Variants in WWOX observed in about 807,000 individuals in gnomAD.
WWOX encodes the protein WW domain-containing oxidoreductase.
WWOX carries 69 observed loss-of-function variants against 46.2 expected under a neutral mutation model. The ratio of observed to expected loss-of-function variants is 1.49; its 90% CI spans 1.23 to 1.82. WWOX has a LOEUF of 1.82. Ranked by LOEUF, WWOX falls within the 40% of genes most tolerant of loss-of-function variation. The pLI, the probability that WWOX is intolerant of heterozygous loss-of-function variation, is 0.00. For missense variants in WWOX, 919 were observed against 542.6 expected (o/e 1.69, Z -6.89); for synonymous variants, 359 against 202.6 (o/e 1.77, Z -6.56).
intron 8 of WWOX, among the ~76,000 whole-genome samples, chr16:79,193,501 C>T (rs939843500): frequency 2.6e-5 from 4 of 152,184 alleles, no homozygotes; most frequent in African/African-American, 9.7e-5. Flanking sequence ...GCCTTCTGCT[C>T]CCTTCTTCAG....
chr16:78,597,058 G>C (rs548692620), intron 8 of WWOX, among the ~76,000 whole-genome samples: 1 of 152,166 alleles, frequency 6.6e-6, no homozygotes, highest in African/African-American at 2.4e-5. Flanking sequence ...CCTCTTCTGC[G>C]TAGAAGCGCT....
intron 8 of WWOX, among the ~76,000 whole-genome samples, chr16:78,784,139 C>G (rs1354438358): frequency 6.6e-6 from 1 of 152,130 alleles, no homozygotes; most frequent in Non-Finnish European, 1.5e-5. Flanking sequence ...ATTCTTATAA[C>G]AACCCTATAA....
chr16:78,661,346 G>C (rs1479414299), intron 8 of WWOX, among the ~76,000 whole-genome samples: 1 of 152,104 alleles, frequency 6.6e-6, no homozygotes. Flanking sequence ...TGTATCGTAA[G>C]GTTCTTCTGA....
chr16:78,796,931 T>G (rs536366572), intron 8 of WWOX, among the ~76,000 whole-genome samples: 1 of 152,038 alleles, frequency 6.6e-6, no homozygotes, highest in South Asian at 2.1e-4. Flanking sequence ...GATCAACTGA[T>G]TCTCCTGCCT....
At chr16:78,771,238 G>C (rs892277264) in intron 8 of WWOX, among the ~76,000 whole-genome samples, 1 of 152,212 alleles carries the variant, frequency 6.6e-6, no homozygotes. Flanking sequence ...TCTGGCTGCT[G>C]TGTTGAGTGG....
At chr16:78,323,557 C>T (rs1036810918) in intron 5 of WWOX, among the ~76,000 whole-genome samples, 4 of 152,120 alleles carry the variant, frequency 2.6e-5, no homozygotes, top group Non-Finnish European at 5.9e-5. Context: ...ACATGCCATG[C>T]AGTGGGAAGA....
intron 8 of WWOX, among the ~76,000 whole-genome samples, chr16:78,468,398 C>CA (rs900109168): frequency 1.3e-5 from 2 of 151,716 alleles, no homozygotes; most frequent in African/African-American, 4.8e-5. Flanking sequence ...GTTGCAACGG[C>CA]AAAAAAGAGA....
At chr16:79,022,542 C>T (rs1170959364) in intron 8 of WWOX, among the ~76,000 whole-genome samples, 1 of 152,092 alleles carries the variant, frequency 6.6e-6, no homozygotes, top group Admixed American at 6.5e-5. Context: ...ATTGCTCATT[C>T]TCTTTCCAAT....
At chr16:78,113,353 G>T (rs1029743694) in intron 3 of WWOX, among the ~76,000 whole-genome samples, 8 of 152,196 alleles carry the variant, frequency 5.3e-5, no homozygotes, top group African/African-American at 1.9e-4. Flanking sequence ...TATGTTTTAG[G>T]ATTTGCAGGG....
intron 8 of WWOX, among the ~76,000 whole-genome samples, chr16:78,538,615 T>C (rs1025162073): frequency 3.9e-5 from 6 of 152,226 alleles, no homozygotes; most frequent in African/African-American, 1.4e-4. Context: ...CAGTTTATCA[T>C]TATATGCCTC....
chr16:78,969,199 C>T lies in WWOX; in HGVS notation c.1057-242409C>T, dbSNP rs976629300. 2.6e-5 allele frequency among the ~76,000 whole-genome samples: 4 copies of T among 151,812 alleles called. No homozygotes were observed. In the South Asian group the frequency reaches 8.3e-4, roughly 32 times the overall value. On this transcript the variant is annotated intron_variant, in intron 8 of 8. Transcript: ENST00000566780. ...TTCAGTCACAAACCCTAGCATGCTCCTTTGCTACCTCAGGGGACAAAGTCA... is the reference window on the plus strand; with the variant it reads ...TTCAGTCACAAACCCTAGCATGCTCTTTTGCTACCTCAGGGGACAAAGTCA...
intron 8 of WWOX, among the ~76,000 whole-genome samples, chr16:78,475,012 C>A (rs116041278): frequency 1.3e-5 from 2 of 152,042 alleles, no homozygotes; most frequent in Admixed American, 6.6e-5. Context: ...TCTTTGTAGC[C>A]ACCAAGAGCC....
chr16:79,073,982 T>C lies in WWOX; in HGVS notation c.1057-137626T>C, dbSNP rs185207610. On this transcript the variant is annotated intron_variant, in intron 8 of 8. Coordinates refer to ENST00000566780, the MANE Select transcript of WWOX (RefSeq NM_016373.4). ...TGGAGGAGGGTACCCTTCACAAAGT[T>C]ATTTGCCAAAGGTCTGAGGAAAAAA... 1.8e-4 allele frequency among the ~76,000 whole-genome samples: 27 copies of C among 146,010 alleles called. No individual in the cohort carries two copies. The East Asian group carries it at 5.3e-3, about 29-fold the overall frequency.
At chr16:78,118,583 G>A (rs1028284965) in intron 4 of WWOX, among the ~76,000 whole-genome samples, 8 of 152,102 alleles carry the variant, frequency 5.3e-5, no homozygotes, top group African/African-American at 1.9e-4. Flanking sequence ...TGTATATTCA[G>A]TTATCCCAAA....
intron 8 of WWOX, among the ~76,000 whole-genome samples, chr16:78,936,281 A>G (rs922452624): frequency 2.2e-4 from 34 of 152,156 alleles, no homozygotes; most frequent in Middle Eastern, 3.2e-3. Flanking sequence ...ACCCTTGGAC[A>G]GAGCTTAAGA....
At chr16:79,008,933 T>A (rs1315122899) in intron 8 of WWOX, among the ~76,000 whole-genome samples, 1 of 152,224 alleles carries the variant, frequency 6.6e-6, no homozygotes, top group Non-Finnish European at 1.5e-5. Flanking sequence ...TCCACCCTTC[T>A]AAATATGGGA....
At chr16:78,596,801 C>G (rs1329634240) in intron 8 of WWOX, among the ~76,000 whole-genome samples, 1 of 93,230 alleles carries the variant, frequency 1.1e-5, no homozygotes, top group African/African-American at 3.9e-5. Context: ...TAAATCAGCA[C>G]GGTTTCAGCT....
At chr16:78,314,258 A>G (rs886429082) in intron 5 of WWOX, among the ~76,000 whole-genome samples, 1 of 151,612 alleles carries the variant, frequency 6.6e-6, no homozygotes, top group African/African-American at 2.4e-5. Flanking sequence ...TACAAAAAAA[A>G]TTAGCCAGGC....
chr16:78,268,514 C>T lies in WWOX; in HGVS notation c.516+104225C>T, dbSNP rs536245035. Among the ~76,000 whole-genome samples, 91 of 152,234 alleles carry T rather than the reference C, an allele frequency of 6.0e-4. 2 individuals are homozygous for T. The South Asian group carries it at 0.015, about 25-fold the overall frequency. ...CAATTATTTTATTTTTGGAAGACAT[C>T]GAGAGCATGGTCCAAAGCTGCATAG... On this transcript the variant is annotated intron_variant, in intron 5 of 8. Coordinates refer to ENST00000566780, the MANE Select transcript of WWOX (RefSeq NM_016373.4).
Sources: gnomAD v4.1 joint callset for allele counts (sites outside exome capture counted in the v4.1 genomes callset) on GRCh38, gnomAD v4.1.1 for gene constraint, MANE v1.5 for transcripts, NCBI Gene and HGNC (gene_info 2026-07-23, HGNC 2026-07-21) for gene names.